Variants in GPBP1 observed in about 807,000 individuals in gnomAD.
GPBP1 encodes the protein GC-rich promoter binding protein 1, also known as vasculin.
In GPBP1, 13 loss-of-function variants were observed where a neutral mutation model predicts 56.5. The ratio of observed to expected loss-of-function variants is 0.23; its 90% CI spans 0.15 to 0.37. GPBP1 has a LOEUF of 0.37. Ranked by LOEUF, GPBP1 falls within the 10% of genes least tolerant of loss-of-function variation. The probability of loss-of-function intolerance (pLI) is 1.00; values close to 1 mark genes in which losing one functional copy is unlikely to be tolerated. For missense variants in GPBP1, 477 were observed against 572.3 expected, an observed-to-expected ratio of 0.83 and a Z score of 1.70; for synonymous variants, 204 against 188.9, an observed-to-expected ratio of 1.08 and a Z score of -0.66.
At position 57,231,239 on chromosome 5, in the gene GPBP1, T is replaced by A; in HGVS notation, c.329T>A (p.Leu110Gln). Reference protein sequence around the residue: ...SIFHAGKSQGLHENNIPDNET... With the variant: ...SIFHAGKSQGQHENNIPDNET... ...TTCCATGCAGGAAAAAGCCAAGGAC[T>A]ACATGAAAACAACATACCTGACAAT... Residue 110 changes from leucine to glutamine, a missense_variant, in exon 5 of 12, where the codon CTA (leucine) becomes CAA (glutamine). Coordinates refer to ENST00000506184, the MANE Select transcript of GPBP1 (RefSeq NM_022913.4). 1 of 1,614,050 alleles carries A rather than the reference T, an allele frequency of 6.2e-7. No individual in the cohort carries two copies. Among genetic ancestry groups the A allele is most frequent in the African/African-American group, 1.3e-5 (1 of 75,024 alleles).
intron 2 of GPBP1, among the ~76,000 whole-genome samples, chr5:57,183,982 A>G (rs1356099303): frequency 6.6e-6 from 1 of 152,086 alleles, no homozygotes; most frequent in Non-Finnish European, 1.5e-5. Context: ...GCCATGTCTC[A>G]GAATTTTGGT....
chr5:57,191,203 A>C (rs1754510438), intron 2 of GPBP1, among the ~76,000 whole-genome samples: 1 of 151,646 alleles, frequency 6.6e-6, no homozygotes, highest in Non-Finnish European at 1.5e-5. Context: ...CTTGTGCCTC[A>C]GCTCCCAAGT....
rs372184607 is a variant in GPBP1, at chr5:57,237,846, T to TA, written c.478+1825dup. On this transcript the variant is annotated intron_variant, in intron 6 of 11. Transcript: ENST00000506184. ...TTACTAACGAAAATATAATATTTATTAAAAAAAAAAAGCAATTTGTCCCTG... is the reference window on the plus strand; with the variant it reads ...TTACTAACGAAAATATAATATTTATTAAAAAAAAAAAAGCAATTTGTCCCTG... Among the ~76,000 whole-genome samples, 353 of 145,570 alleles carry TA rather than the reference T, an allele frequency of 2.4e-3. 1 individual carries two copies. Among genetic ancestry groups the TA allele is most frequent in the East Asian group, 9.3e-3 (47 of 5,054 alleles).
intron 2 of GPBP1, among the ~76,000 whole-genome samples, chr5:57,182,578 G>T (rs1000303201): frequency 6.6e-6 from 1 of 151,206 alleles, no homozygotes; most frequent in African/African-American, 2.4e-5. Flanking sequence ...TCACCATGTT[G>T]GCCAGGCTGG....
In GPBP1 at chr5:57,230,836, T is replaced by C; in HGVS notation, c.64-10T>C. 1 of 1,597,044 alleles carries C rather than the reference T, an allele frequency of 6.3e-7. No individual in the cohort carries two copies. Among genetic ancestry groups the C allele is most frequent in the South Asian group, 1.1e-5 (1 of 87,504 alleles). On this transcript the variant is annotated splice_polypyrimidine_tract_variant and intron_variant, in intron 3 of 11. Coordinates refer to ENST00000506184, the MANE Select transcript of GPBP1 (RefSeq NM_022913.4). ...TTCATAAATACCTGTATTTTTATAA[T>C]TTGTTTCAGTCGTCATTGAATTTTG...
Position 57,219,393 on chromosome 5 carries a change from AAAAAAAAAAAC to A in GPBP1, c.63+5201_63+5211del, listed in dbSNP as rs1561348202. Among the ~76,000 whole-genome samples, 96 of 63,278 alleles carry A rather than the reference AAAAAAAAAAAC, an allele frequency of 1.5e-3. 3 individuals are homozygous for A. Among genetic ancestry groups the A allele is most frequent in the African/African-American group, 7.2e-3 (73 of 10,192 alleles). The allele number at this position is 63,278 out of a possible 152,430, so 41.5% of individuals were successfully genotyped here. A position where few individuals can be genotyped will look rare whatever the true frequency, so the allele number is the denominator to read the frequency against. The stretch of plus-strand genomic sequence containing the variant: ...TCTGTCTCAAAAAAAAAAAAAAAAA[AAAAAAAAAAAC>A]CAAAAACAAACAAACAAAAAAAAAA... On this transcript the variant is annotated intron_variant, in intron 3 of 11. Transcript: ENST00000506184.
chr5:57,219,397 A>AAAACC (rs1755837952), intron 3 of GPBP1, among the ~76,000 whole-genome samples: 1 of 58,184 alleles, frequency 1.7e-5, no homozygotes, highest in Non-Finnish European at 2.7e-5. Context: ...AAAAAAAAAA[A>AAAACC]AAAAAACCAA....
intron 3 of GPBP1, among the ~76,000 whole-genome samples, chr5:57,222,071 G>A (rs1430769362): frequency 6.6e-6 from 1 of 151,762 alleles, no homozygotes; most frequent in Non-Finnish European, 1.5e-5. Context: ...TAGAGACAGG[G>A]TCTCACTATG....
At chr5:57,258,483 ATATC>A (rs1423327356) in intron 10 of GPBP1, among the ~76,000 whole-genome samples, 1 of 152,212 alleles carries the variant, frequency 6.6e-6, no homozygotes, top group Non-Finnish European at 1.5e-5. Flanking sequence ...ATGTATTTGT[ATATC>A]TAAGCATATC....
chr5:57,219,375 C>CAAAAAA (rs869152603), intron 3 of GPBP1, among the ~76,000 whole-genome samples: 5 of 35,320 alleles, frequency 1.4e-4, no homozygotes, highest in South Asian at 1.1e-3. Context: ...GACTCTGTCT[C>CAAAAAA]AAAAAAAAAA....
At chr5:57,259,216 C>G (rs370843929) in intron 10 of GPBP1, among the ~76,000 whole-genome samples, 7 of 152,292 alleles carry the variant, frequency 4.6e-5, no homozygotes, top group African/African-American at 1.7e-4. Context: ...AACCAAAATT[C>G]TATTTGTCTT....
At chr5:57,193,630 A>C (rs1311541698) in intron 2 of GPBP1, among the ~76,000 whole-genome samples, 2 of 151,462 alleles carry the variant, frequency 1.3e-5, no homozygotes, top group African/African-American at 4.8e-5. Context: ...AAAAAAAAAA[A>C]AAAAAACTAT....
chr5:57,198,770 C>A (rs1212236670), intron 2 of GPBP1, among the ~76,000 whole-genome samples: 1 of 152,142 alleles, frequency 6.6e-6, no homozygotes, highest in African/African-American at 2.4e-5. Flanking sequence ...ATTGCTTGAA[C>A]CTCGGTGGCA....
intron 2 of GPBP1, among the ~76,000 whole-genome samples, chr5:57,192,014 T>TA (rs1754548886): frequency 6.6e-6 from 1 of 152,212 alleles, no homozygotes; most frequent in African/African-American, 2.4e-5. Flanking sequence ...TTTTTGGTGT[T>TA]ACAAAGTTTA....
chr5:57,262,594 T>C lies in GPBP1; in HGVS notation c.1264T>C (p.Leu422=), dbSNP rs1459965758. The change falls in exon 12 of 12, where the codon TTA becomes CTA. Residue 422 remains leucine, a splice_region_variant and synonymous_variant. Coordinates refer to ENST00000506184, the MANE Select transcript of GPBP1 (RefSeq NM_022913.4). ...ATTTATTTTGCTGTTAACATTTTAG[T>C]TACAGAAGAATGGTCTGAGAAAAAA... The part of the protein sequence containing the change: ...MREFQVISEQ[L]QKNGLRKNGI... 1 of 1,606,514 alleles carries C rather than the reference T, an allele frequency of 6.2e-7. No individual in the cohort carries two copies.
rs576359901 is a variant in GPBP1, at chr5:57,187,074, A to G, written c.-58+10674A>G. On this transcript the variant is annotated intron_variant, in intron 2 of 11. Coordinates refer to ENST00000506184, the MANE Select transcript of GPBP1 (RefSeq NM_022913.4). ...TGTATGTATTATGCTAATTCTATGG[A>G]ATGCTAGTCCATAAATAAAATAGTA... Among the ~76,000 whole-genome samples, 127 of 151,400 alleles carry G rather than the reference A, an allele frequency of 8.4e-4. 1 individual carries two copies. Among genetic ancestry groups the G allele is most frequent in the Non-Finnish European group, 1.6e-3 (108 of 67,868 alleles).
chr5:57,180,203 A>G (rs1458065059), intron 2 of GPBP1, among the ~76,000 whole-genome samples: 2 of 152,126 alleles, frequency 1.3e-5, no homozygotes, highest in African/African-American at 2.4e-5. Flanking sequence ...TGACATCCGC[A>G]TCCCGGGTTC....
intron 3 of GPBP1, chr5:57,221,235 TAC>T (rs1180921304): frequency 5.4e-5 from 32 of 590,434 alleles, no homozygotes; most frequent in African/African-American, 9.4e-5. Context: ...AAGGATATTT[TAC>T]ACAGTCTTTT....
At chr5:57,236,446 A>G (rs1247572808) in intron 6 of GPBP1, among the ~76,000 whole-genome samples, 1 of 151,796 alleles carries the variant, frequency 6.6e-6, no homozygotes, top group Non-Finnish European at 1.5e-5. Context: ...TTTACCTATG[A>G]AAGTGGTTAC....
Sources: allele counts gnomAD v4.1 joint callset (sites outside exome capture counted in the v4.1 genomes callset), GRCh38; gene constraint gnomAD v4.1.1; transcripts MANE v1.5; gene names NCBI Gene and HGNC (gene_info 2026-07-23, HGNC 2026-07-21).